The following RARB variants were observed in gnomAD, a reference collection of about 807,000 sequenced individuals.
RARB encodes the protein retinoic acid receptor beta.
RARB carries 17 observed loss-of-function variants against 51.9 expected under a neutral mutation model. The ratio of observed to expected loss-of-function variants is 0.33; its 90% CI spans 0.22 to 0.49. The LOEUF is 0.49. RARB is among the 20% of genes least tolerant of loss of function. The pLI, the probability that RARB is intolerant of heterozygous loss-of-function variation, is 0.99. For synonymous variants in RARB, 215 were observed against 195.4 expected (o/e 1.10, Z -0.84); for missense variants, 369 against 550.8 (o/e 0.67, Z 3.30).
intron 5 of RARB, among the ~76,000 whole-genome samples, chr3:25,191,410 C>A (rs1452221515): frequency 6.6e-6 from 1 of 152,006 alleles, no homozygotes; most frequent in African/African-American, 2.4e-5. Flanking sequence ...ACTTTTATCC[C>A]TCCCATGAAA....
intron 4 of RARB, among the ~76,000 whole-genome samples, chr3:25,139,399 C>T (rs2125336369): frequency 6.6e-6 from 1 of 152,268 alleles, no homozygotes; most frequent in Non-Finnish European, 1.5e-5. Context: ...ATGAAACAGC[C>T]TTATTGCTGA....
At chr3:25,590,171 A>G (rs1701560281) in intron 5 of RARB, among the ~76,000 whole-genome samples, 1 of 152,228 alleles carries the variant, frequency 6.6e-6, no homozygotes, top group African/African-American at 2.4e-5. Flanking sequence ...CTTTCTAGGA[A>G]GAGAGGCAAC....
intron 3 of RARB, among the ~76,000 whole-genome samples, chr3:25,557,042 G>T (rs1700088524): frequency 6.6e-6 from 1 of 151,888 alleles, no homozygotes. Flanking sequence ...CTTGCATAAG[G>T]CAGTTTCTCA....
intron 2 of RARB, among the ~76,000 whole-genome samples, chr3:24,936,848 C>A (rs1695557850): frequency 6.6e-6 from 1 of 152,032 alleles, no homozygotes. Flanking sequence ...GAATACTGAC[C>A]TATAATTAAG....
At chr3:25,492,521 C>T (rs1437981491) in intron 2 of RARB, among the ~76,000 whole-genome samples, 1 of 152,172 alleles carries the variant, frequency 6.6e-6, no homozygotes, top group Non-Finnish European at 1.5e-5. Flanking sequence ...CATGGGCCAC[C>T]TTTTTGTTGG....
At chr3:24,981,320 GC>G (rs1459344332) in intron 2 of RARB, among the ~76,000 whole-genome samples, 3 of 152,190 alleles carry the variant, frequency 2.0e-5, no homozygotes, top group Admixed American at 6.5e-5. Flanking sequence ...AGGCAGGGGG[GC>G]TTAAGTCTGT....
At chr3:25,214,575 G>T (rs1440190552) in intron 5 of RARB, among the ~76,000 whole-genome samples, 2 of 152,164 alleles carry the variant, frequency 1.3e-5, no homozygotes, top group Non-Finnish European at 2.9e-5. Context: ...GACTGCAGAA[G>T]AAATTTTCCT....
chr3:25,382,314 A>G (rs1449059992), intron 5 of RARB, among the ~76,000 whole-genome samples: 1 of 152,200 alleles, frequency 6.6e-6, no homozygotes, highest in African/African-American at 2.4e-5. Flanking sequence ...GAATTTTCAA[A>G]TTGTCTCCTT....
intron 5 of RARB, among the ~76,000 whole-genome samples, chr3:25,234,789 GA>G (rs1049469670): frequency 9.2e-5 from 14 of 152,122 alleles, no homozygotes; most frequent in African/African-American, 2.7e-4. Flanking sequence ...AAATAGGGAA[GA>G]AAAAATTATG....
intron 5 of RARB, 91 bp from the exon 6 acceptor site, chr3:25,593,412 G>C: frequency 8.0e-7 from 1 of 1,244,530 alleles, no homozygotes; most frequent in Non-Finnish European, 1.1e-6. Context: ...AGAGCTCCTT[G>C]GAAATCTTCA....
At chr3:25,527,384 C>T (rs1698701120) in intron 3 of RARB, among the ~76,000 whole-genome samples, 1 of 152,206 alleles carries the variant, frequency 6.6e-6, no homozygotes, top group Non-Finnish European at 1.5e-5. Context: ...GCTGGCGAGG[C>T]CTGCAACTGA....
chr3:25,349,821 G>A (rs998137110), intron 5 of RARB, among the ~76,000 whole-genome samples: 8 of 152,024 alleles, frequency 5.3e-5, no homozygotes, highest in African/African-American at 1.7e-4. Context: ...CTGTTTCTTT[G>A]CTCATGAGTC....
rs968604474 is a variant in RARB at position 25,429,172 on chromosome 3, G to A, written c.157+284G>A. Among the ~76,000 whole-genome samples, 3 of 152,152 alleles carry A rather than the reference G, an allele frequency of 2.0e-5. No homozygotes were observed. In the South Asian group the frequency reaches 6.2e-4, roughly 31 times the overall value. ...TAAAATATGCATAAAAATGTGGGGG[G>A]TGGGGAGTAGAGGGTGACCACAAGA... is the stretch of plus-strand genomic sequence containing the variant. On this transcript the variant is annotated intron_variant, in intron 1 of 7. Transcript: ENST00000330688.
At chr3:25,521,799 C>A (rs1350302984) in intron 3 of RARB, among the ~76,000 whole-genome samples, 1 of 152,110 alleles carries the variant, frequency 6.6e-6, no homozygotes, top group Non-Finnish European at 1.5e-5. Context: ...ATCACACAAT[C>A]TGAGACAATA....
chr3:25,022,581 C>G (rs2125285608), intron 2 of RARB, among the ~76,000 whole-genome samples: 2 of 152,332 alleles, frequency 1.3e-5, no homozygotes, highest in Middle Eastern at 6.8e-3. Flanking sequence ...TCCAGTTCCT[C>G]TACATGCTTA....
rs145803241 is a variant in RARB, at chr3:24,978,692, C to G, written c.-379-81433C>G. Among the ~76,000 whole-genome samples the G allele has an allele frequency of 7.8e-3, 1,176 of 151,542 alleles. 13 individuals carry two copies. Among genetic ancestry groups the G allele is most frequent in the African/African-American group, 0.027 (1,105 of 41,294 alleles). The stretch of plus-strand genomic sequence containing the variant: ...TATCAGTCTGTTTTGTTAATCTTTT[C>G]AAAAAACCAGCTCCTGGATTGATTT... On this transcript the variant is annotated intron_variant, in intron 2 of 11. Coordinates refer to the RARB transcript ENST00000383772.
intron 1 of RARB, among the ~76,000 whole-genome samples, chr3:25,460,337 T>C (rs915287054): frequency 1.3e-5 from 2 of 152,194 alleles, no homozygotes; most frequent in Admixed American, 6.5e-5. Context: ...AGATCAGTTA[T>C]GGCTGCATCA....
At position 25,596,351 on chromosome 3, in the gene RARB, TGGTCCCTGG is replaced by T. The variant is rs539528523; in HGVS notation, c.1151-68_1151-60del. 211 of 1,207,570 alleles carry T rather than the reference TGGTCCCTGG, an allele frequency of 1.7e-4. 1 individual carries two copies. In the African/African-American group the frequency reaches 2.6e-3, roughly 15 times the overall value. The allele number at this position is 1,207,570 out of a possible 1,614,324, so 74.8% of individuals were successfully genotyped here. Reference sequence around the variant, plus strand: ...CACCTCTGTTAAAATATATGAAAATTGGTCCCTGGTTATCTGTCATAGCTTAACTCCTTA... The same window carrying T: ...CACCTCTGTTAAAATATATGAAAATTTTATCTGTCATAGCTTAACTCCTTA... On this transcript the variant is annotated intron_variant, in intron 7 of 7. Coordinates refer to ENST00000330688, the MANE Select transcript of RARB (RefSeq NM_000965.5).
chr3:24,897,975 G>A (rs1287200074), intron 2 of RARB, among the ~76,000 whole-genome samples: 2 of 152,190 alleles, frequency 1.3e-5, no homozygotes, highest in East Asian at 3.8e-4. Context: ...TAAAATGGGT[G>A]TTGAGAAAGT....
Sources: gnomAD v4.1 joint callset for allele counts (sites outside exome capture counted in the v4.1 genomes callset) on GRCh38, gnomAD v4.1.1 for gene constraint, MANE v1.5 for transcripts, NCBI Gene and HGNC (gene_info 2026-07-23, HGNC 2026-07-21) for gene names.